The following PAPPA2 variants were observed in gnomAD, a reference collection of about 807,000 sequenced individuals.
PAPPA2 encodes pappalysin-2.
PAPPA2 carries 86 observed loss-of-function variants against 176.4 expected under a neutral mutation model. The observed-to-expected ratio is 0.49, with a 90% CI of 0.41 to 0.58. PAPPA2 has a LOEUF of 0.58. Ranked by LOEUF, PAPPA2 falls within the 20% of genes least tolerant of loss-of-function variation. The probability of loss-of-function intolerance (pLI) is 0.00; values close to 1 mark genes in which losing one functional copy is unlikely to be tolerated. For synonymous variants in PAPPA2, 809 were observed against 852.2 expected (o/e 0.95, Z 0.88); for missense variants, 2,073 against 2,256.9 (o/e 0.92, Z 1.65).
At chr1:176,559,121 C>T (rs918103388) in intron 2 of PAPPA2, among the ~76,000 whole-genome samples, 1 of 152,208 alleles carries the variant, frequency 6.6e-6, no homozygotes, top group Admixed American at 6.5e-5. Context: ...CCGCCTCCAA[C>T]CCCTGCCAAC....
intron 2 of PAPPA2, among the ~76,000 whole-genome samples, chr1:176,566,517 C>A (rs1651989827): frequency 6.6e-6 from 1 of 152,140 alleles, no homozygotes; most frequent in African/African-American, 2.4e-5. Flanking sequence ...TGCTCACCTC[C>A]CCATCCTCTG....
At chr1:176,626,447 A>G (rs1656020149) in intron 3 of PAPPA2, among the ~76,000 whole-genome samples, 2 of 152,132 alleles carry the variant, frequency 1.3e-5, no homozygotes, top group Admixed American at 1.3e-4. Context: ...AGGACTGGAG[A>G]GTATGTTTAC....
chr1:176,818,975 T>C (rs779525083), intron 21 of PAPPA2, among the ~76,000 whole-genome samples: 14 of 152,226 alleles, frequency 9.2e-5, no homozygotes, highest in Non-Finnish European at 1.6e-4. Flanking sequence ...TAATTTGCTG[T>C]AGAGTTATTT....
At position 176,556,950 on chromosome 1, in the gene PAPPA2, C is replaced by T; in HGVS notation, c.628C>T (p.Gln210Ter). Reference sequence around the variant, plus strand: ...GTGGAAGAGGCGGGCGGAAGATGGGCAGGGAGACTCCGGTATCTCTTCACA... The same window carrying T: ...GTGGAAGAGGCGGGCGGAAGATGGGTAGGGAGACTCCGGTATCTCTTCACA... ...QVWKRRAEDGQGDSGISSHFQ... is the reference protein window; with the variant it reads ...QVWKRRAEDG Residue 210 changes from glutamine to a stop codon, truncating the protein, a stop_gained, in exon 2 of 23, where the codon CAG (glutamine) becomes TAG (stop). Coordinates refer to ENST00000367662, the MANE Select transcript of PAPPA2 (RefSeq NM_020318.3). LOFTEE classifies it high-confidence loss of function. 1 of 1,613,982 alleles carries T rather than the reference C, an allele frequency of 6.2e-7. No homozygotes were observed. The highest frequency in any genetic ancestry group is 8.5e-7 in the Non-Finnish European group (1 of 1,179,986).
rs958700005 is a variant in PAPPA2, at chr1:176,800,035, T to G, written c.5131-26T>G. ...ACAACAAATGTCTTTAATTTTGTTT[T>G]CTGTTTTTCCCGTCTTTCCCCTTAG... On this transcript the variant is annotated intron_variant, in intron 20 of 22. Transcript: ENST00000367662. The G allele has an allele frequency of 4.3e-6, 7 of 1,613,540 alleles. No individual in the cohort carries two copies. In the African/African-American group the frequency reaches 6.7e-5, roughly 15 times the overall value.
In PAPPA2 at chr1:176,784,537, G is replaced by A. The variant is rs530783435; in HGVS notation, c.4716-5272G>A. ...GTCCAGAGCTTGAGAAGTCCAAGGTGCTGGCAGATCCCTTATCTGGTGAGG... is the reference window on the plus strand; with the variant it reads ...GTCCAGAGCTTGAGAAGTCCAAGGTACTGGCAGATCCCTTATCTGGTGAGG... On this transcript the variant is annotated intron_variant, in intron 17 of 22. Transcript: ENST00000367662. Among the ~76,000 whole-genome samples, 3 of 152,008 alleles carry A rather than the reference G, an allele frequency of 2.0e-5. No individual in the cohort carries two copies. The South Asian group carries it at 6.3e-4, about 32-fold the overall frequency.
rs756554222 is a variant in PAPPA2, at chr1:176,793,590, C to A, written c.5051C>A (p.Pro1684His). 2 of 1,612,942 alleles carry A rather than the reference C, an allele frequency of 1.2e-6. No individual in the cohort carries two copies. The highest frequency in any genetic ancestry group is 2.7e-5 in the African/African-American group (2 of 74,844). The change falls in exon 20 of 23, where the codon CCC becomes CAC. Residue 1684 changes from proline to histidine, a missense_variant. Around this residue, in one of 4 missense-constraint regions of PAPPA2, gnomAD observed 846 missense variants for 857.9 expected, o/e 0.99. Coordinates refer to ENST00000367662, the MANE Select transcript of PAPPA2 (RefSeq NM_020318.3). Reference sequence around the variant, plus strand: ...GTGTGTTCCCCATTGTGTGTAATCCCCCCCAGTGACCCCGTGATGCTACCT... The same window carrying A: ...GTGTGTTCCCCATTGTGTGTAATCCACCCCAGTGACCCCGTGATGCTACCT... ...GAVCSPLCVIPPSDPVMLPEN... is the reference protein window; with the variant it reads ...GAVCSPLCVIHPSDPVMLPEN...
chr1:176,579,605 T>C (rs1652847270), intron 2 of PAPPA2, among the ~76,000 whole-genome samples: 1 of 152,242 alleles, frequency 6.6e-6, no homozygotes, highest in Admixed American at 6.5e-5. Flanking sequence ...AATTTGTTAA[T>C]GTCACACTCA....
intron 4 of PAPPA2, 106 bp downstream of exon 4, chr1:176,671,221 T>G: frequency 6.9e-7 from 1 of 1,441,282 alleles, no homozygotes; most frequent in Non-Finnish European, 9.4e-7. Context: ...AAAAGTGAAT[T>G]TACACAGTGA....
intron 3 of PAPPA2, among the ~76,000 whole-genome samples, chr1:176,598,911 A>G (rs1412809899): frequency 6.6e-6 from 1 of 151,980 alleles, no homozygotes; most frequent in Non-Finnish European, 1.5e-5. Flanking sequence ...TTAATTTACT[A>G]CCTTATTTTA....
At chr1:176,512,221 CAAAAAA>C (rs58968098) in intron 1 of PAPPA2, among the ~76,000 whole-genome samples, 25 of 105,712 alleles carry the variant, frequency 2.4e-4, no homozygotes, top group Non-Finnish European at 2.9e-4. Flanking sequence ...ACTAAATTTG[CAAAAAA>C]AAAAAAAAAA....
Position 176,750,333 on chromosome 1 carries a change from C to T in PAPPA2, c.4151+10137C>T, listed in dbSNP as rs570032100. 7.9e-5 allele frequency among the ~76,000 whole-genome samples: 12 copies of T among 152,236 alleles called. No individual in the cohort carries two copies. The Middle Eastern group carries it at 0.014, about 173-fold the overall frequency. On this transcript the variant is annotated intron_variant, in intron 14 of 22. Transcript: ENST00000367662. ...GATAACATAAACAATTGTCCAGGCGCGGTGGCTCACACCTGTAATTCCAGC... is the reference window on the plus strand; with the variant it reads ...GATAACATAAACAATTGTCCAGGCGTGGTGGCTCACACCTGTAATTCCAGC...
chr1:176,746,032 C>G (rs1043344054), intron 14 of PAPPA2, among the ~76,000 whole-genome samples: 2 of 152,188 alleles, frequency 1.3e-5, no homozygotes, highest in African/African-American at 4.8e-5. Context: ...GCTGATAAGA[C>G]TTGCTGGGAC....
rs899006575 is a variant in PAPPA2, at chr1:176,555,641, G to T, written c.-682G>T. On this transcript the variant is annotated 5_prime_UTR_variant, in exon 2 of 23. An upstream open reading frame in the 5' UTR gains an earlier in-frame stop. Coordinates refer to ENST00000367662, the MANE Select transcript of PAPPA2 (RefSeq NM_020318.3). ...GGGGACCTGGCTGAAGACATCTGGAGAATGAAAGTTAAGTACCAGCTTGCA... is the reference window on the plus strand; with the variant it reads ...GGGGACCTGGCTGAAGACATCTGGATAATGAAAGTTAAGTACCAGCTTGCA... 1 of 152,352 alleles carries T rather than the reference G, an allele frequency of 6.6e-6. No homozygotes were observed. Among genetic ancestry groups the T allele is most frequent in the African/African-American group, 2.4e-5 (1 of 41,568 alleles). 9.4% of individuals were successfully genotyped at this position (152,352 alleles called of 1,614,324 possible). A position where few individuals can be genotyped will look rare whatever the true frequency, so the allele number is the denominator to read the frequency against.
At chr1:176,776,829 A>G (rs890901089) in intron 17 of PAPPA2, among the ~76,000 whole-genome samples, 15 of 150,672 alleles carry the variant, frequency 1.0e-4, no homozygotes, top group African/African-American at 3.2e-4. Context: ...AAATAATAGT[A>G]TAGTAAAATA....
intron 10 of PAPPA2, among the ~76,000 whole-genome samples, chr1:176,707,942 G>T (rs575570687): frequency 6.6e-6 from 1 of 152,206 alleles, no homozygotes; most frequent in Non-Finnish European, 1.5e-5. Context: ...TGCTTCATGT[G>T]GTCAGTGCCC....
intron 13 of PAPPA2, 50 bp downstream of exon 13, chr1:176,739,811 A>G: frequency 1.2e-6 from 2 of 1,601,146 alleles, no homozygotes; most frequent in Non-Finnish European, 1.7e-6. Context: ...AACCCGGTAG[A>G]CCCAGAAGTC....
chr1:176,640,624 C>A (rs1330402766), intron 3 of PAPPA2, among the ~76,000 whole-genome samples: 30 of 152,008 alleles, frequency 2.0e-4, no homozygotes, highest in East Asian at 5.8e-4. Flanking sequence ...AGTCTTTGCT[C>A]TTGTGAATAG....
chr1:176,550,684 T>G (rs1650895059), intron 1 of PAPPA2, among the ~76,000 whole-genome samples: 1 of 152,210 alleles, frequency 6.6e-6, no homozygotes, highest in African/African-American at 2.4e-5. Flanking sequence ...TTAACACTGC[T>G]AATAATTTAT....
Sources: allele counts gnomAD v4.1 joint callset (sites outside exome capture counted in the v4.1 genomes callset), GRCh38; gene constraint gnomAD v4.1.1; regional missense constraint gnomAD v4.1.1; transcripts MANE v1.5; gene names NCBI Gene and HGNC (gene_info 2026-07-23, HGNC 2026-07-21).